Variants in CCSER1 observed in about 807,000 individuals in gnomAD.
CCSER1 encodes the protein serine-rich coiled-coil domain-containing protein 1.
Under a neutral mutation model 82.0 loss-of-function variants are expected in CCSER1, and 41 were observed. That is an observed-to-expected ratio of 0.50 (90% CI 0.39 to 0.65). The LOEUF (loss-of-function observed/expected upper bound fraction) is 0.65. Among genes scored for constraint, CCSER1 ranks in the 30% least tolerant of loss-of-function variants. CCSER1 has a pLI of 0.00. For missense variants in CCSER1, 1,119 were observed against 1,064.2 expected (o/e 1.05, Z -0.72); for synonymous variants, 414 against 383.9 (o/e 1.08, Z -0.92).
intron 5 of CCSER1, among the ~76,000 whole-genome samples, chr4:90,485,943 C>A (rs1766969342): frequency 6.6e-6 from 1 of 152,036 alleles, no homozygotes; most frequent in South Asian, 2.1e-4. Flanking sequence ...TTCTATTCAT[C>A]TTTTGTTTTG....
chr4:91,600,175 C>G lies in CCSER1; in HGVS notation c.*1118C>G, dbSNP rs900784183. 6.6e-6 allele frequency: 1 copy of G among 152,038 alleles called. No individual in the cohort carries two copies. The highest frequency in any genetic ancestry group is 1.5e-5 in the Non-Finnish European group (1 of 67,994). 9.4% of individuals were successfully genotyped at this position (152,038 alleles called of 1,614,324 possible). ...AAGCTTCTAACAGGAATATTTAAAA[C>G]CCATTTGATGGCAAATATTTCTCTT... On this transcript the variant is annotated 3_prime_UTR_variant, in exon 11 of 11. Coordinates refer to ENST00000509176, the MANE Select transcript of CCSER1 (RefSeq NM_001145065.2).
At chr4:90,673,674 A>G (rs1164679135) in intron 6 of CCSER1, among the ~76,000 whole-genome samples, 1 of 151,992 alleles carries the variant, frequency 6.6e-6, no homozygotes, top group Non-Finnish European at 1.5e-5. Flanking sequence ...ACACATCTGT[A>G]TTATTGAGTA....
chr4:91,082,624 A>C, intron 9 of CCSER1, among the ~76,000 whole-genome samples: 1 of 152,250 alleles, frequency 6.6e-6, no homozygotes, highest in East Asian at 1.9e-4. Flanking sequence ...TGAATAGGCA[A>C]CCTACAGAAT....
At chr4:91,402,206 T>A (rs1474731359) in intron 10 of CCSER1, among the ~76,000 whole-genome samples, 1 of 152,234 alleles carries the variant, frequency 6.6e-6, no homozygotes, top group Non-Finnish European at 1.5e-5. Context: ...TTTTGAGAAG[T>A]GTCTGTTCAT....
intron 7 of CCSER1, among the ~76,000 whole-genome samples, chr4:90,785,230 G>T (rs972659130): frequency 6.6e-6 from 1 of 151,946 alleles, no homozygotes; most frequent in Non-Finnish European, 1.5e-5. Context: ...TGGAGATGGG[G>T]TTTCACCATG....
At position 91,577,350 on chromosome 4, in the gene CCSER1, T is replaced by G. The variant is rs531670544; in HGVS notation, c.2218-21222T>G. Among the ~76,000 whole-genome samples the G allele has an allele frequency of 9.2e-5, 14 of 151,998 alleles. No homozygotes were observed. In the East Asian group the frequency reaches 2.7e-3, roughly 30 times the overall value. ...AAGAAGGGGAGAGAAGATCAGTGTT[T>G]CCAGAGATACCAGGAAAACTGCCAG... On this transcript the variant is annotated intron_variant, in intron 10 of 10. Transcript: ENST00000509176.
chr4:90,270,256 G>A (rs1726006831), intron 1 of CCSER1, among the ~76,000 whole-genome samples: 2 of 152,040 alleles, frequency 1.3e-5, no homozygotes, highest in South Asian at 4.1e-4. Flanking sequence ...CGTTGATTCG[G>A]AAATACTCAA....
intron 1 of CCSER1, among the ~76,000 whole-genome samples, chr4:90,189,566 A>G (rs1735239865): frequency 6.6e-6 from 1 of 151,884 alleles, no homozygotes; most frequent in Non-Finnish European, 1.5e-5. Flanking sequence ...ATGTATGTAT[A>G]TATACATATA....
chr4:91,094,601 T>C (rs991714552), intron 10 of CCSER1, among the ~76,000 whole-genome samples: 4 of 152,182 alleles, frequency 2.6e-5, no homozygotes, highest in African/African-American at 9.7e-5. Context: ...AAGATGAACC[T>C]GTATTCCTTC....
intron 5 of CCSER1, among the ~76,000 whole-genome samples, chr4:90,506,916 C>T (rs1023813802): frequency 2.0e-5 from 3 of 152,004 alleles, no homozygotes; most frequent in African/African-American, 4.8e-5. Context: ...GCTTGTATGC[C>T]AATAATTTGG....
chr4:90,537,145 T>C lies in CCSER1; in HGVS notation c.1724+68791T>C, dbSNP rs1447117545. Among the ~76,000 whole-genome samples, 12 of 152,188 alleles carry C rather than the reference T, an allele frequency of 7.9e-5. No individual in the cohort carries two copies. The East Asian group carries it at 1.9e-3, about 24-fold the overall frequency. On this transcript the variant is annotated intron_variant, in intron 5 of 10. Transcript: ENST00000509176. Reference sequence around the variant, plus strand: ...CAGGTGAACCTTTTTAAGTTTAGATTGTTGTCTTGTTCTTTCTCTGAAAGG... The same window carrying C: ...CAGGTGAACCTTTTTAAGTTTAGATCGTTGTCTTGTTCTTTCTCTGAAAGG...
chr4:90,129,146 C>T (rs1405504734), intron 1 of CCSER1, among the ~76,000 whole-genome samples: 2 of 151,752 alleles, frequency 1.3e-5, no homozygotes, highest in East Asian at 3.9e-4. Flanking sequence ...CCTCCCTTCT[C>T]TGCCCCTCAA....
At chr4:91,425,028 A>G (rs1426111329) in intron 10 of CCSER1, among the ~76,000 whole-genome samples, 1 of 152,112 alleles carries the variant, frequency 6.6e-6, no homozygotes, top group African/African-American at 2.4e-5. Context: ...GCCTATTTTT[A>G]TAAAACTATC....
intron 9 of CCSER1, among the ~76,000 whole-genome samples, chr4:91,069,824 AG>A (rs996742450): frequency 2.0e-5 from 3 of 152,178 alleles, no homozygotes; most frequent in Non-Finnish European, 4.4e-5. Context: ...CATTAAAAGA[AG>A]GGAACAGCTG....
At chr4:90,218,368 A>T (rs557361938) in intron 1 of CCSER1, among the ~76,000 whole-genome samples, 1 of 152,282 alleles carries the variant, frequency 6.6e-6, no homozygotes, top group South Asian at 2.1e-4. Context: ...TACTATGTTC[A>T]GCATATGGGT....
chr4:90,674,192 G>A (rs187823366), intron 6 of CCSER1, among the ~76,000 whole-genome samples: 5 of 151,914 alleles, frequency 3.3e-5, no homozygotes, highest in Admixed American at 1.3e-4. Flanking sequence ...AGGGAAATCT[G>A]TTTTTTTCAA....
intron 10 of CCSER1, among the ~76,000 whole-genome samples, chr4:91,181,086 G>C (rs1385931610): frequency 6.6e-6 from 1 of 152,224 alleles, no homozygotes; most frequent in African/African-American, 2.4e-5. Flanking sequence ...CAGTCTTCCA[G>C]CATGGGCATT....
chr4:90,254,562 G>A (rs924778729), intron 1 of CCSER1, among the ~76,000 whole-genome samples: 1 of 152,160 alleles, frequency 6.6e-6, no homozygotes, highest in African/African-American at 2.4e-5. Context: ...CTTGCCTGCA[G>A]TGGAGCTTCA....
chr4:91,313,463 T>C (rs1198854698), intron 10 of CCSER1, among the ~76,000 whole-genome samples: 4 of 151,922 alleles, frequency 2.6e-5, no homozygotes, highest in Non-Finnish European at 5.9e-5. Context: ...ACTCTCAAGA[T>C]TTCAAAACTC....
Sources: allele counts gnomAD v4.1 joint callset (sites outside exome capture counted in the v4.1 genomes callset), GRCh38; gene constraint gnomAD v4.1.1; transcripts MANE v1.5; gene names NCBI Gene and HGNC (gene_info 2026-07-23, HGNC 2026-07-21).